SLC6A17: variants seen among roughly 807,000 people sequenced by gnomAD.
SLC6A17 encodes the protein sodium-dependent neutral amino acid transporter SLC6A17.
SLC6A17 carries 21 observed loss-of-function variants against 64.5 expected under a neutral mutation model. That is an observed-to-expected ratio of 0.33 (90% CI 0.23 to 0.47). The LOEUF (loss-of-function observed/expected upper bound fraction) is 0.47. SLC6A17 is among the 20% of genes least tolerant of loss of function. The pLI, the probability that SLC6A17 is intolerant of heterozygous loss-of-function variation, is 1.00. For missense variants in SLC6A17, 682 were observed against 963.2 expected, an observed-to-expected ratio of 0.71 and a Z score of 3.86; for synonymous variants, 372 against 399.5, an observed-to-expected ratio of 0.93 and a Z score of 0.82.
At chr1:110,155,543 C>T (rs1276446947) in intron 1 of SLC6A17, among the ~76,000 whole-genome samples, 1 of 152,166 alleles carries the variant, frequency 6.6e-6, no homozygotes, top group Non-Finnish European at 1.5e-5. Flanking sequence ...TCTATGTCCT[C>T]TTGTGGAGTG....
At chr1:110,168,880 A>G (rs1039043203) in intron 2 of SLC6A17, among the ~76,000 whole-genome samples, 5 of 152,226 alleles carry the variant, frequency 3.3e-5, no homozygotes, top group Non-Finnish European at 7.3e-5. Context: ...GGCACCAGAC[A>G]TAAAGAACTA....
chr1:110,176,537 G>A, intron 5 of SLC6A17, 92 bp from the exon 6 acceptor site: 1 of 1,203,302 alleles, frequency 8.3e-7, no homozygotes, highest in Non-Finnish European at 1.2e-6. Context: ...TGCCATCAGG[G>A]GCGGCTCATG....
intron 1 of SLC6A17, among the ~76,000 whole-genome samples, chr1:110,161,610 C>T (rs1314672148): frequency 3.9e-5 from 6 of 152,094 alleles, no homozygotes; most frequent in Admixed American, 6.6e-5. Flanking sequence ...GGTGGCTCCC[C>T]CACTCACCTC....
Position 110,196,841 on chromosome 1 carries a change from G to A in SLC6A17, c.1653-596G>A, listed in dbSNP as rs1291568165. On this transcript the variant is annotated intron_variant, in intron 10 of 11. Coordinates refer to ENST00000331565, the MANE Select transcript of SLC6A17 (RefSeq NM_001010898.4). ...ACTGGGATGTAATATGAAAATATCT[G>A]TAATCTATTGGTGACAGTCACAGGT... Among the ~76,000 whole-genome samples, 3 of 152,162 alleles carry A rather than the reference G, an allele frequency of 2.0e-5. No homozygotes were observed. In the East Asian group the frequency reaches 5.8e-4, roughly 29 times the overall value.
At position 110,167,034 on chromosome 1, in the gene SLC6A17, G is replaced by C. The variant is rs374611845; in HGVS notation, c.105G>C (p.Gln35His). Residue 35 changes from glutamine to histidine, a missense_variant, in exon 2 of 12, where the codon CAG becomes CAC. Physicochemically the swap from Gln to His is conservative, Grantham distance 24. Transcript: ENST00000331565. ...TCGAGGAGCCTGTGGACTATAAGCA[G>C]AGTGTACTGAATGTGGCTGGTGAGG... ...LALEEPVDYK[Q>H]SVLNVAGEAG... The C allele has an allele frequency of 3.1e-6, 5 of 1,612,768 alleles. No individual in the cohort carries two copies. The African/African-American group carries it at 6.7e-5, about 22-fold the overall frequency.
At chr1:110,151,024 C>G (rs187759716) in intron 1 of SLC6A17, 141 bp downstream of exon 1, 6 of 152,396 alleles carry the variant, frequency 3.9e-5, no homozygotes, top group South Asian at 2.1e-4. Context: ...ACCCTGCGCT[C>G]GTCCCGGGCT....
intron 6 of SLC6A17, among the ~76,000 whole-genome samples, chr1:110,184,804 A>ATG (rs978290906): frequency 6.6e-6 from 1 of 152,182 alleles, no homozygotes; most frequent in Non-Finnish European, 1.5e-5. Flanking sequence ...TATGTAATGT[A>ATG]TGTGTGTGTG....
At chr1:110,162,842 G>A (rs554017690) in intron 1 of SLC6A17, among the ~76,000 whole-genome samples, 1 of 152,136 alleles carries the variant, frequency 6.6e-6, no homozygotes, top group East Asian at 1.9e-4. Flanking sequence ...CCAGTACAAT[G>A]TATCCTCCTC....
chr1:110,152,274 A>G (rs528508887), intron 1 of SLC6A17, among the ~76,000 whole-genome samples: 5 of 152,290 alleles, frequency 3.3e-5, no homozygotes, highest in South Asian at 4.1e-4. Flanking sequence ...TTTTTCTCCA[A>G]TGGAACATCT....
At position 110,195,601 on chromosome 1, in the gene SLC6A17, T is replaced by C. The variant is rs772040551; in HGVS notation, c.1508T>C (p.Phe503Ser). The change falls in exon 10 of 12, where the codon TTT (phenylalanine) becomes TCT (serine). Residue 503 changes from phenylalanine to serine, a missense_variant. Transcript: ENST00000331565. Reference protein sequence around the residue: ...KEMFTVGCCVFAFLVGLLFVQ... With the variant: ...KEMFTVGCCVSAFLVGLLFVQ... ...CTCTCTGTAGTGGGCTGCTGTGTCTTTGCATTCCTCGTGGGGCTGTTGTTC... is the reference window on the plus strand; with the variant it reads ...CTCTCTGTAGTGGGCTGCTGTGTCTCTGCATTCCTCGTGGGGCTGTTGTTC... The C allele has an allele frequency of 6.2e-7, 1 of 1,614,166 alleles. No individual in the cohort carries two copies. Among genetic ancestry groups the C allele is most frequent in the South Asian group, 1.1e-5 (1 of 91,080 alleles).
intron 6 of SLC6A17, among the ~76,000 whole-genome samples, chr1:110,191,679 G>C (rs1656827096): frequency 1.3e-5 from 2 of 152,204 alleles, no homozygotes; most frequent in South Asian, 4.1e-4. Flanking sequence ...TCCTTAGTAT[G>C]ATGGCTGCAT....
chr1:110,174,224 C>T, intron 4 of SLC6A17, 125 bp downstream of exon 4: 1 of 1,333,806 alleles, frequency 7.5e-7, no homozygotes, highest in Non-Finnish European at 1.0e-6. Flanking sequence ...CTTAACATCT[C>T]TGATCCTCAT....
chr1:110,162,925 A>G (rs1289187307), intron 1 of SLC6A17, among the ~76,000 whole-genome samples: 1 of 151,604 alleles, frequency 6.6e-6, no homozygotes, highest in African/African-American at 2.4e-5. Context: ...GAGAGGCTAG[A>G]AAAGTTGCCC....
Position 110,172,175 on chromosome 1 carries a change from T to C in SLC6A17, c.402T>C (p.Tyr134=), listed in dbSNP as rs1368654170. 6.2e-7 allele frequency: 1 copy of C among 1,609,970 alleles called. No individual in the cohort carries two copies. Among genetic ancestry groups the C allele is most frequent in the Admixed American group, 1.7e-5 (1 of 59,404 alleles). Reference sequence around the variant, plus strand: ...GCGGCAGCATCGGTGTGTGGCACTATATATGTCCCCGCCTGGGGGGCATCG... The same window carrying C: ...GCGGCAGCATCGGTGTGTGGCACTACATATGTCCCCGCCTGGGGGGCATCG... The part of the protein sequence containing the change: ...IRRGSIGVWH[Y]ICPRLGGIGF... Residue 134 remains tyrosine (Y), a synonymous_variant, in exon 3 of 12, where the codon TAT becomes TAC. Transcript: ENST00000331565.
At chr1:110,159,223 G>A (rs1237401015) in intron 1 of SLC6A17, among the ~76,000 whole-genome samples, 1 of 152,194 alleles carries the variant, frequency 6.6e-6, no homozygotes, top group Non-Finnish European at 1.5e-5. Context: ...AGTTCCCCCA[G>A]TGGATCCCTC....
Position 110,172,139 on chromosome 1 carries a change from G to T in SLC6A17, c.366G>T (p.Gln122His), listed in dbSNP as rs2101846783. The change falls in exon 3 of 12, where the codon CAG becomes CAT. Residue 122 changes from glutamine to histidine, a missense_variant. Physicochemically the swap from Gln to His is conservative, Grantham distance 24. Coordinates refer to ENST00000331565, the MANE Select transcript of SLC6A17 (RefSeq NM_001010898.4). ...PLFFLELAVG[Q>H]RIRRGSIGVW... ...TCTTCCTGGAGCTGGCTGTGGGTCA[G>T]AGGATCCGCCGCGGCAGCATCGGTG... 6.2e-7 allele frequency: 1 copy of T among 1,613,972 alleles called. No homozygotes were observed. The highest frequency in any genetic ancestry group is 8.5e-7 in the Non-Finnish European group (1 of 1,179,928).
chr1:110,161,143 A>G (rs1311213991), intron 1 of SLC6A17, among the ~76,000 whole-genome samples: 2 of 152,240 alleles, frequency 1.3e-5, no homozygotes, highest in Non-Finnish European at 2.9e-5. Flanking sequence ...AGTTTGCCCC[A>G]GGTGACTGTC....
intron 3 of SLC6A17, chr1:110,172,430 C>A: frequency 1.6e-6 from 1 of 622,502 alleles, no homozygotes; most frequent in Non-Finnish European, 2.7e-6. Flanking sequence ...CCTGAAACAG[C>A]ATGGAAGATT....
intron 8 of SLC6A17, among the ~76,000 whole-genome samples, 192 bp from the exon 9 acceptor site, chr1:110,194,387 A>G (rs1656905982): frequency 6.6e-6 from 1 of 152,236 alleles, no homozygotes; most frequent in Non-Finnish European, 1.5e-5. Flanking sequence ...TTTTTGAGCT[A>G]CGTCTAGGGG....
Sources: allele counts gnomAD v4.1 joint callset (sites outside exome capture counted in the v4.1 genomes callset), GRCh38; gene constraint gnomAD v4.1.1; transcripts MANE v1.5; gene names NCBI Gene and HGNC (gene_info 2026-07-23, HGNC 2026-07-21).